NUAK1: variants seen among roughly 807,000 people sequenced by gnomAD.
The protein encoded by NUAK1 is NUAK family SNF1-like kinase 1.
NUAK1 carries 26 observed loss-of-function variants against 56.9 expected under a neutral mutation model. The ratio of observed to expected loss-of-function variants is 0.46; its 90% CI spans 0.33 to 0.63. NUAK1 has a LOEUF of 0.63. Ranked by LOEUF, NUAK1 falls within the 30% of genes least tolerant of loss-of-function variation. The pLI is 0.02. For synonymous variants in NUAK1, 337 were observed against 336.0 expected (o/e 1.00, Z -0.03); for missense variants, 727 against 876.1 (o/e 0.83, Z 2.15).
intron 1 of NUAK1, among the ~76,000 whole-genome samples, chr12:106,111,414 C>T (rs1182240085): frequency 2.0e-5 from 3 of 152,026 alleles, no homozygotes; most frequent in Non-Finnish European, 4.4e-5. Flanking sequence ...AGTGTAGGAC[C>T]AGCCTTGGGG....
rs1229845511 is a variant in NUAK1 at position 106,066,558 on chromosome 12, G to C, written c.*244C>G. The stretch of plus-strand genomic sequence containing the variant: ...CTCCCCTGGACAGCTGGTCCTCTAG[G>C]AGGTGCCATAAAGCAAATGCCAAAC... On this transcript the variant is annotated 3_prime_UTR_variant, in exon 7 of 7. Transcript: ENST00000261402. The C allele has an allele frequency of 1.8e-6, 1 of 549,694 alleles. No homozygotes were observed. Among genetic ancestry groups the C allele is most frequent in the Non-Finnish European group, 3.3e-6 (1 of 306,614 alleles). 34.1% of individuals were successfully genotyped at this position (549,694 alleles called of 1,614,324 possible). A position where few individuals can be genotyped will look rare whatever the true frequency, so the allele number is the denominator to read the frequency against.
chr12:106,092,183 G>A (rs17038109), intron 2 of NUAK1, among the ~76,000 whole-genome samples: 5,112 of 152,118 alleles, frequency 0.034, 97 homozygotes, highest in African/African-American at 0.048. Flanking sequence ...ATGAATATGA[G>A]GAATATGAAC....
intron 2 of NUAK1, among the ~76,000 whole-genome samples, chr12:106,098,115 G>A (rs2032712768): frequency 6.6e-6 from 1 of 152,136 alleles, no homozygotes; most frequent in Non-Finnish European, 1.5e-5. Context: ...CTGCTTCTCT[G>A]GATTTTTAGA....
intron 1 of NUAK1, among the ~76,000 whole-genome samples, chr12:106,127,065 T>C (rs1395011710): frequency 3.3e-5 from 5 of 152,358 alleles, no homozygotes; most frequent in Non-Finnish European, 5.9e-5. Flanking sequence ...AGAGTGTGTG[T>C]GGTCCATGAG....
intron 3 of NUAK1, among the ~76,000 whole-genome samples, chr12:106,085,505 G>A (rs2032562106): frequency 6.6e-6 from 1 of 152,174 alleles, no homozygotes; most frequent in Non-Finnish European, 1.5e-5. Flanking sequence ...TGTTTTGGAT[G>A]CCCTGTTGGA....
At chr12:106,137,970 G>A (rs544594036) in intron 1 of NUAK1, among the ~76,000 whole-genome samples, 4 of 152,164 alleles carry the variant, frequency 2.6e-5, no homozygotes, top group East Asian at 1.9e-4. Flanking sequence ...TGGGTGGAAG[G>A]GGGTAGGGAC....
At chr12:106,075,942 G>A (rs2032460818) in intron 4 of NUAK1, among the ~76,000 whole-genome samples, 1 of 152,210 alleles carries the variant, frequency 6.6e-6, no homozygotes, top group Non-Finnish European at 1.5e-5. Context: ...TTAGTTTTGA[G>A]CTTATCTTCT....
intron 2 of NUAK1, among the ~76,000 whole-genome samples, chr12:106,089,747 C>G (rs1373351458): frequency 6.6e-6 from 1 of 152,174 alleles, no homozygotes; most frequent in Non-Finnish European, 1.5e-5. Flanking sequence ...CGAGATCACA[C>G]CACTGCACCC....
Position 106,067,877 on chromosome 12 carries a change from C to G in NUAK1, c.911G>C (p.Trp304Ser). ...RATIEDIANH[W>S]WVNWGYKSSV... is the part of the protein sequence containing the mutation. ...GCTCTTATAGCCCCAGTTCACCCAC[C>G]AGTGGTTGGCAATGTCCTCAATAGT... The change falls in exon 7 of 7, where the codon TGG becomes TCG. Residue 304 changes from tryptophan to serine, a missense_variant. Physicochemically the swap from Trp to Ser is radical, Grantham distance 177 (BLOSUM62 -3). Transcript: ENST00000261402. This position sits in a 1 kb window ranked among gnomAD's most constrained non-coding sequence, Gnocchi z 6.0. 2 of 1,614,212 alleles carry G rather than the reference C, an allele frequency of 1.2e-6. No individual in the cohort carries two copies. The highest frequency in any genetic ancestry group is 1.7e-6 in the Non-Finnish European group (2 of 1,180,034).
chr12:106,080,788 C>CA (rs1200926628), intron 4 of NUAK1, among the ~76,000 whole-genome samples: 1 of 152,154 alleles, frequency 6.6e-6, no homozygotes, highest in Non-Finnish European at 1.5e-5. Flanking sequence ...AGAGAAGCAC[C>CA]AGAGGGGGCT....
At chr12:106,120,135 G>A (rs1207755695) in intron 1 of NUAK1, among the ~76,000 whole-genome samples, 3 of 152,046 alleles carry the variant, frequency 2.0e-5, no homozygotes, top group Admixed American at 1.3e-4. Context: ...TTCCCACACC[G>A]GTCCACACAA....
At chr12:106,134,676 C>T (rs2434081) in intron 1 of NUAK1, among the ~76,000 whole-genome samples, 100,086 of 152,090 alleles carry the variant, frequency 0.66, 33,626 homozygotes, top group African/African-American at 0.78. Context: ...TTTTTGGCAA[C>T]GCTTTGTGTG....
chr12:106,111,884 C>A, intron 1 of NUAK1, among the ~76,000 whole-genome samples: 1 of 145,398 alleles, frequency 6.9e-6, no homozygotes, highest in Admixed American at 6.9e-5. Context: ...TAAATATTTC[C>A]CAAAGTTACA....
At chr12:106,120,359 T>C (rs2032961564) in intron 1 of NUAK1, among the ~76,000 whole-genome samples, 1 of 152,174 alleles carries the variant, frequency 6.6e-6, no homozygotes, top group South Asian at 2.1e-4. Flanking sequence ...AAATGCCCAA[T>C]ATTGTGCCCA....
rs574066310 is a variant in NUAK1 at position 106,124,670 on chromosome 12, C to T, written c.240+13744G>A. On this transcript the variant is annotated intron_variant, in intron 1 of 6. Coordinates refer to ENST00000261402, the MANE Select transcript of NUAK1 (RefSeq NM_014840.3). ...TCATCTGTCTCACCATGGCTGTCTC[C>T]CTACCATCCAGAGTGGTATCTCACA... Among the ~76,000 whole-genome samples, 3 of 152,244 alleles carry T rather than the reference C, an allele frequency of 2.0e-5. No homozygotes were observed. In the East Asian group the frequency reaches 5.8e-4, roughly 29 times the overall value.
At chr12:106,103,739 G>A (rs979148620) in intron 2 of NUAK1, among the ~76,000 whole-genome samples, 1 of 152,146 alleles carries the variant, frequency 6.6e-6, no homozygotes, top group Non-Finnish European at 1.5e-5. Flanking sequence ...GAAGGGACCC[G>A]GTGGGAGGTA....
intron 6 of NUAK1, among the ~76,000 whole-genome samples, chr12:106,070,572 G>A (rs911655734): frequency 1.5e-4 from 23 of 152,196 alleles, no homozygotes; most frequent in African/African-American, 5.5e-4. Context: ...CCTAGAAGGT[G>A]TGCTCTGAAA....
chr12:106,097,956 C>T (rs2032711246), intron 2 of NUAK1, among the ~76,000 whole-genome samples: 1 of 152,176 alleles, frequency 6.6e-6, no homozygotes, highest in Admixed American at 6.5e-5. Flanking sequence ...TTTCTGATTC[C>T]AGGACCTCTG....
intron 1 of NUAK1, among the ~76,000 whole-genome samples, chr12:106,126,171 A>C (rs2033023015): frequency 6.6e-6 from 1 of 152,222 alleles, no homozygotes; most frequent in African/African-American, 2.4e-5. Flanking sequence ...GGAGGGATAA[A>C]TGTGGACCAC....
Sources: gnomAD v4.1 joint callset for allele counts (sites outside exome capture counted in the v4.1 genomes callset) on GRCh38, gnomAD v4.1.1 for gene constraint, Gnocchi (gnomAD v3.1) non-coding constraint, MANE v1.5 for transcripts, NCBI Gene and HGNC (gene_info 2026-07-23, HGNC 2026-07-21) for gene names.